Variants in SATB2 observed in about 807,000 individuals in gnomAD.
The protein encoded by SATB2 is DNA-binding protein SATB2.
SATB2 carries 1 observed loss-of-function variant against 73.4 expected under a neutral mutation model. The ratio of observed to expected loss-of-function variants is 0.01; its 90% confidence interval spans 0.00 to 0.06. The LOEUF (loss-of-function observed/expected upper bound fraction) is 0.06, where lower values mean the gene tolerates loss of function less well. SATB2 is among the 10% of genes least tolerant of loss of function. The pLI, the probability that SATB2 is intolerant of heterozygous loss-of-function variation, is 1.00. For missense variants in SATB2, 459 were observed against 945.8 expected (o/e 0.49, Z 6.75); for synonymous variants, 397 against 367.0 (o/e 1.08, Z -0.93).
At chr2:199,436,843 A>AAG (rs36011191) in intron 2 of SATB2, among the ~76,000 whole-genome samples, 169 of 148,882 alleles carry the variant, frequency 1.1e-3, no homozygotes, top group East Asian at 5.7e-3. Context: ...TATGCCAAGA[A>AAG]AGAGAGAGAG....
intron 9 of SATB2, among the ~76,000 whole-genome samples, chr2:199,322,110 T>C (rs1028277794): frequency 4.6e-5 from 7 of 152,214 alleles, no homozygotes; most frequent in African/African-American, 1.7e-4. Flanking sequence ...CCAAAAGCCA[T>C]ACTGCTAAAT....
At chr2:199,411,527 A>C (rs1690816705) in intron 3 of SATB2, among the ~76,000 whole-genome samples, 1 of 152,210 alleles carries the variant, frequency 6.6e-6, no homozygotes, top group African/African-American at 2.4e-5. Flanking sequence ...TCCTCACAAC[A>C]TTATGAGGGT....
chr2:199,450,745 G>T (rs1411268934), intron 2 of SATB2, among the ~76,000 whole-genome samples: 1 of 152,030 alleles, frequency 6.6e-6, no homozygotes, highest in East Asian at 1.9e-4. Context: ...TAAAAAGAAA[G>T]AAAAATAGGG....
chr2:199,373,945 C>A (rs1313607879), intron 5 of SATB2, among the ~76,000 whole-genome samples: 1 of 152,222 alleles, frequency 6.6e-6, no homozygotes, highest in Non-Finnish European at 1.5e-5. Context: ...TGATTCTGGT[C>A]CATGCAGTTG....
chr2:199,450,831 T>C (rs1387446277), intron 2 of SATB2, among the ~76,000 whole-genome samples: 1 of 152,142 alleles, frequency 6.6e-6, no homozygotes, highest in Non-Finnish European at 1.5e-5. Context: ...TAGTCTTTCC[T>C]GGAATAAAAC....
intron 2 of SATB2, among the ~76,000 whole-genome samples, chr2:199,453,751 C>A (rs1180075956): frequency 6.6e-6 from 1 of 151,888 alleles, no homozygotes; most frequent in African/African-American, 2.4e-5. Flanking sequence ...CTATCAAAAT[C>A]TTATCTTCTA....
intron 7 of SATB2, among the ~76,000 whole-genome samples, chr2:199,345,114 C>CCTGGGG (rs1342412270): frequency 3.0e-4 from 45 of 152,036 alleles, no homozygotes; most frequent in African/African-American, 9.9e-4. Context: ...TTCTCTCTTT[C>CCTGGGG]CTGGGGCTGG....
intron 2 of SATB2, among the ~76,000 whole-genome samples, chr2:199,452,024 G>GT (rs1197602392): frequency 6.6e-5 from 10 of 151,830 alleles, no homozygotes; most frequent in Non-Finnish European, 1.3e-4. Flanking sequence ...AAATAAGCAA[G>GT]TTTTTTTAAT....
At chr2:199,325,150 C>T (rs1232705387) in intron 8 of SATB2, among the ~76,000 whole-genome samples, 1 of 152,158 alleles carries the variant, frequency 6.6e-6, no homozygotes, top group Non-Finnish European at 1.5e-5. Context: ...TCTTCTACCT[C>T]CTTCTCTCAT....
At chr2:199,297,093 G>A (rs1399517106) in intron 10 of SATB2, among the ~76,000 whole-genome samples, 1 of 152,118 alleles carries the variant, frequency 6.6e-6, no homozygotes, top group African/African-American at 2.4e-5. Context: ...AAGCATTTGT[G>A]TTTGTTTCTA....
chr2:199,453,526 C>CA (rs554985967), intron 2 of SATB2, among the ~76,000 whole-genome samples: 2 of 151,646 alleles, frequency 1.3e-5, no homozygotes, highest in Non-Finnish European at 2.9e-5. Context: ...ACTCTATGTT[C>CA]AAAAAAATCC....
chr2:199,313,210 G>T (rs1687642066), intron 9 of SATB2, among the ~76,000 whole-genome samples: 1 of 152,128 alleles, frequency 6.6e-6, no homozygotes, highest in South Asian at 2.1e-4. Flanking sequence ...ACAGTGCAAT[G>T]ATCCCTTCCA....
intron 9 of SATB2, among the ~76,000 whole-genome samples, chr2:199,312,050 A>C (rs1687613520): frequency 6.6e-6 from 1 of 152,152 alleles, no homozygotes; most frequent in African/African-American, 2.4e-5. Context: ...GGCAAAAAAA[A>C]AAAAGTGTAA....
chr2:199,284,576 A>G (rs1692628760), intron 10 of SATB2, among the ~76,000 whole-genome samples: 1 of 152,200 alleles, frequency 6.6e-6, no homozygotes, highest in South Asian at 2.1e-4. Context: ...TGCTGAAGCA[A>G]TTATGAAAAT....
intron 10 of SATB2, among the ~76,000 whole-genome samples, chr2:199,296,917 A>C (rs1460010538): frequency 1.1e-4 from 17 of 152,192 alleles, no homozygotes; most frequent in Non-Finnish European, 2.4e-4. Context: ...TGGCCTCTGA[A>C]ACAACACCCA....
chr2:199,442,000 G>T (rs1691829670), intron 2 of SATB2, among the ~76,000 whole-genome samples: 1 of 152,164 alleles, frequency 6.6e-6, no homozygotes, highest in African/African-American at 2.4e-5. Flanking sequence ...TGTCAGGAAT[G>T]CCAAGGCTCT....
chr2:199,386,694 A>ACGCG (rs1553497363), intron 3 of SATB2, among the ~76,000 whole-genome samples: 2 of 142,872 alleles, frequency 1.4e-5, no homozygotes, highest in African/African-American at 5.4e-5. Context: ...ACACGTGCGC[A>ACGCG]AGCGCGCGCG....
intron 9 of SATB2, among the ~76,000 whole-genome samples, chr2:199,313,208 A>T (rs1687641919): frequency 6.6e-6 from 1 of 152,326 alleles, no homozygotes; most frequent in South Asian, 2.1e-4. Flanking sequence ...ATACAGTGCA[A>T]TGATCCCTTC....
intron 10 of SATB2, among the ~76,000 whole-genome samples, chr2:199,303,554 G>A (rs1217955312): frequency 6.6e-6 from 1 of 152,168 alleles, no homozygotes; most frequent in African/African-American, 2.4e-5. Flanking sequence ...GATCACATAA[G>A]TCTTTGTTTT....
Sources: gnomAD v4.1 joint callset for allele counts (sites outside exome capture counted in the v4.1 genomes callset) on GRCh38, gnomAD v4.1.1 for gene constraint, MANE v1.5 for transcripts, NCBI Gene and HGNC (gene_info 2026-07-23, HGNC 2026-07-21) for gene names.